The following KLRF1 variants were observed in gnomAD, a reference collection of about 807,000 sequenced individuals.
The protein encoded by KLRF1 is killer cell lectin like receptor F1.
A neutral mutation model predicts 30.7 loss-of-function variants in KLRF1; 27 were observed. That is an observed-to-expected ratio of 0.88 (90% CI 0.65 to 1.21). The LOEUF is 1.21. KLRF1 is among the 50% of genes most tolerant of loss of function. The pLI, the probability that KLRF1 is intolerant of heterozygous loss-of-function variation, is 0.00. For synonymous variants in KLRF1, 92 were observed against 89.3 expected, an observed-to-expected ratio of 1.03 and a Z score of -0.17; for missense variants, 246 against 259.3, an observed-to-expected ratio of 0.95 and a Z score of 0.35.
the KLRF1 span, among the ~76,000 whole-genome samples, chr12:9,822,133 C>T: frequency 5.2e-3 from 797 of 152,278 alleles, 7 homozygotes; most frequent in Non-Finnish European, 7.5e-3. Flanking sequence ...CAAATGACTG[C>T]GCTAGTTATC....
chr12:9,826,055 T>C (rs1253039831), upstream of KLRF1, among the ~76,000 whole-genome samples: 1 of 152,228 alleles, frequency 6.6e-6, no homozygotes, highest in Non-Finnish European at 1.5e-5. Flanking sequence ...ATATTTCTGA[T>C]AATTTGTCAA....
chr12:9,805,402 T>A, the KLRF1 span, among the ~76,000 whole-genome samples: 1 of 151,878 alleles, frequency 6.6e-6, no homozygotes, highest in Admixed American at 6.6e-5. Context: ...GCTAATTCCC[T>A]CCAGCCCTTT....
chr12:9,807,178 A>G, the KLRF1 span, among the ~76,000 whole-genome samples: 2 of 11,658 alleles, frequency 1.7e-4, no homozygotes, highest in Non-Finnish European at 5.2e-4. Context: ...AGTAGGATCT[A>G]GAAAATCACT....
upstream of KLRF1, chr12:9,827,423 G>A (rs1867305026): frequency 2.2e-5 from 12 of 546,814 alleles, no homozygotes; most frequent in South Asian, 3.2e-4. Flanking sequence ...CATATGTACT[G>A]TGAAAGGACA....
the KLRF1 span, among the ~76,000 whole-genome samples, chr12:9,804,266 C>A: frequency 6.6e-6 from 1 of 151,542 alleles, no homozygotes; most frequent in African/African-American, 2.4e-5. Context: ...AGATCTTTTG[C>A]CCATATTTTA....
intron 3 of KLRF1, among the ~76,000 whole-genome samples, chr12:9,840,901 A>C (rs991440841): frequency 3.9e-5 from 6 of 152,156 alleles, no homozygotes; most frequent in Non-Finnish European, 7.4e-5. Flanking sequence ...CAATTCCTCA[A>C]AGACCTAAAG....
rs566223605 is a variant in KLRF1, at chr12:9,829,318, TTAAG to T, written c.85+1693_85+1696del. 2.5e-3 allele frequency among the ~76,000 whole-genome samples: 386 copies of T among 152,350 alleles called. 1 individual carries two copies. The highest frequency in any genetic ancestry group is 5.4e-3 in the Admixed American group (83 of 15,300). ...CACAGTTAAATGTTTTAAAATCACT[TTAAG>T]TAATTCCTCTCTCTATAGTGAAGAC... On this transcript the variant is annotated intron_variant, in intron 1 of 5. Transcript: ENST00000617889.
At chr12:9,822,481 C>G (rs150284452), upstream of KLRF1, among the ~76,000 whole-genome samples, 175 of 152,216 alleles carry the variant, frequency 1.1e-3, 1 homozygote, top group East Asian at 4.2e-3. Context: ...AAGGAAGGAA[C>G]AAAATCTTTG....
chr12:9,835,125 C>T (rs1867544765), intron 3 of KLRF1, among the ~76,000 whole-genome samples: 1 of 151,970 alleles, frequency 6.6e-6, no homozygotes, highest in Non-Finnish European at 1.5e-5. Context: ...GTGTTGGTGT[C>T]ATGAGGGGAA....
At chr12:9,817,896 C>T in the KLRF1 span, 612 of 191,740 alleles carry the variant, frequency 3.2e-3, 5 homozygotes, top group African/African-American at 0.014. Flanking sequence ...CCAGCATCAT[C>T]AGATGAATCA....
At chr12:9,814,996 T>C in the KLRF1 span, among the ~76,000 whole-genome samples, 2 of 152,048 alleles carry the variant, frequency 1.3e-5, no homozygotes, top group African/African-American at 4.8e-5. Context: ...TTTGAAGTGT[T>C]CCCAACACAA....
In KLRF1 at chr12:9,841,882, G is replaced by A; in HGVS notation, c.405G>A (p.Trp135Ter). 2 of 1,611,094 alleles carry A rather than the reference G, an allele frequency of 1.2e-6. No individual in the cohort carries two copies. The highest frequency in any genetic ancestry group is 1.7e-4 in the Middle Eastern group (1 of 6,030). The change falls in exon 4 of 6, where the codon TGG (tryptophan) becomes TGA (stop). Residue 135 changes from tryptophan (W) to a stop codon, truncating the protein, a stop_gained. Coordinates refer to ENST00000617889, the MANE Select transcript of KLRF1 (RefSeq NM_016523.3). LOFTEE classifies it high-confidence loss of function. Reference protein sequence around the residue: ...CYWFSNEMKSWSDSYVYCLER... With the variant: ...CYWFSNEMKS The stretch of plus-strand genomic sequence containing the variant: ...GGTTCTCTAATGAGATGAAAAGCTG[G>A]AGTGACAGTTATGTGTATTGTTTGG...
chr12:9,823,560 T>C (rs6488230), upstream of KLRF1, among the ~76,000 whole-genome samples: 116,267 of 152,084 alleles, frequency 0.76, 46,786 homozygotes, highest in South Asian at 0.91. Context: ...TTTAACACTC[T>C]AACATATAAC....
the KLRF1 span, among the ~76,000 whole-genome samples, chr12:9,815,876 T>G: frequency 6.6e-6 from 1 of 152,216 alleles, no homozygotes; most frequent in East Asian, 1.9e-4. Context: ...TGGAGTGCAA[T>G]GGCGTGATCT....
chr12:9,842,388 A>C lies in KLRF1; in HGVS notation c.542A>C (p.Lys181Thr). The C allele has an allele frequency of 6.2e-7, 1 of 1,612,606 alleles. No individual in the cohort carries two copies. The highest frequency in any genetic ancestry group is 8.5e-7 in the Non-Finnish European group (1 of 1,179,036). Residue 181 changes from lysine (K) to threonine (T), a missense_variant, in exon 5 of 6, where the codon AAA becomes ACA. Transcript: ENST00000617889. Reference protein sequence around the residue: ...VWIGLNFTSLKMTWTWVDGSP... With the variant: ...VWIGLNFTSLTMTWTWVDGSP... The stretch of plus-strand genomic sequence containing the variant: ...ATTGGGCTTAACTTTACCTCCTTGA[A>C]AATGACATGGACTTGGGTGGATGGT...
chr12:9,815,753 T>C, the KLRF1 span, among the ~76,000 whole-genome samples: 49,850 of 152,138 alleles, frequency 0.33, 9,729 homozygotes, highest in Non-Finnish European at 0.42. Flanking sequence ...CTTACCACAA[T>C]GTGTAAGAGC....
the KLRF1 span, among the ~76,000 whole-genome samples, chr12:9,801,084 G>A: frequency 6.6e-6 from 1 of 151,992 alleles, no homozygotes; most frequent in East Asian, 1.9e-4. Flanking sequence ...ACTGATGAGT[G>A]AGAGCATGCG....
chr12:9,818,858 C>A, the KLRF1 span, among the ~76,000 whole-genome samples: 11 of 152,146 alleles, frequency 7.2e-5, no homozygotes. Flanking sequence ...GTGCTGTTCT[C>A]ACAGGAGAAA....
intron 3 of KLRF1, among the ~76,000 whole-genome samples, chr12:9,836,907 A>G (rs1336983108): frequency 6.6e-6 from 1 of 152,148 alleles, no homozygotes; most frequent in Non-Finnish European, 1.5e-5. Context: ...AACATTAATT[A>G]AAGTAGGTAT....
Sources: allele counts gnomAD v4.1 joint callset (sites outside exome capture counted in the v4.1 genomes callset), GRCh38; gene constraint gnomAD v4.1.1; transcripts MANE v1.5; gene names NCBI Gene and HGNC (gene_info 2026-07-23, HGNC 2026-07-21).